LRP1B: variants seen among roughly 807,000 people sequenced by gnomAD.
The protein encoded by LRP1B is LDL receptor related protein 1B.
In LRP1B, 217 loss-of-function variants were observed where a neutral mutation model predicts 556.6. The ratio of observed to expected loss-of-function variants is 0.39; its 90% CI spans 0.35 to 0.44. LRP1B has a LOEUF of 0.44. Among genes scored for constraint, LRP1B ranks in the 20% least tolerant of loss-of-function variants. LRP1B has a pLI of 1.00. For missense variants in LRP1B, 5,053 were observed against 5,620.8 expected, an observed-to-expected ratio of 0.90 and a Z score of 3.23; for synonymous variants, 2,047 against 1,865.8, an observed-to-expected ratio of 1.10 and a Z score of -2.50.
Position 141,751,187 on chromosome 2 carries a change from C to A in LRP1B, c.205+59092G>T, listed in dbSNP as rs890413839. Among the ~76,000 whole-genome samples the A allele has an allele frequency of 5.3e-5, 8 of 151,980 alleles. No homozygotes were observed. The East Asian group carries it at 1.5e-3, about 29-fold the overall frequency. On this transcript the variant is annotated intron_variant, in intron 2 of 90. Transcript: ENST00000389484. ...CACATCAGGAAATAAACTCAATATA[C>A]TGTCTTTGGGTTCCTTTATTTAGAA...
At chr2:140,558,544 G>A (rs993446086) in intron 43 of LRP1B, among the ~76,000 whole-genome samples, 3 of 152,012 alleles carry the variant, frequency 2.0e-5, no homozygotes, top group Non-Finnish European at 4.4e-5. Flanking sequence ...TCCAGAATAG[G>A]CAAATCTATA....
intron 1 of LRP1B, among the ~76,000 whole-genome samples, chr2:142,112,342 G>T (rs1707028275): frequency 6.6e-6 from 1 of 151,728 alleles, no homozygotes; most frequent in Non-Finnish European, 1.5e-5. Context: ...AATAGGGAGG[G>T]ACTACAATTC....
intron 86 of LRP1B, chr2:140,269,475 C>G (rs1170637871): frequency 4.7e-6 from 2 of 423,814 alleles, no homozygotes; most frequent in Admixed American, 2.7e-5. Context: ...TAGTAACATT[C>G]AAACGAAAAG....
At chr2:141,586,427 T>G (rs966376128) in intron 2 of LRP1B, among the ~76,000 whole-genome samples, 1 of 152,124 alleles carries the variant, frequency 6.6e-6, no homozygotes, top group Non-Finnish European at 1.5e-5. Context: ...TCTATTAGAT[T>G]AGAGATAGCT....
chr2:141,038,460 C>T lies in LRP1B; in HGVS notation c.1789+10526G>A, dbSNP rs879908477. Among the ~76,000 whole-genome samples the T allele has an allele frequency of 3.3e-5, 5 of 152,032 alleles. No individual in the cohort carries two copies. In the East Asian group the frequency reaches 7.7e-4, roughly 23 times the overall value. On this transcript the variant is annotated intron_variant, in intron 11 of 90. Transcript: ENST00000389484. Reference sequence around the variant, plus strand: ...GTGGAGTAAGAAAGATTACTGAGTACATTTTAAAGGTCAGTGGGAGGTAAA... The same window carrying T: ...GTGGAGTAAGAAAGATTACTGAGTATATTTTAAAGGTCAGTGGGAGGTAAA...
chr2:141,284,148 G>A (rs572164400), intron 3 of LRP1B, among the ~76,000 whole-genome samples: 45 of 152,132 alleles, frequency 3.0e-4, no homozygotes, highest in Non-Finnish European at 5.0e-4. Flanking sequence ...ACATTTGTAT[G>A]ATATTTTTTC....
chr2:141,169,745 C>T (rs1680417339), intron 7 of LRP1B, among the ~76,000 whole-genome samples: 1 of 141,886 alleles, frequency 7.0e-6, no homozygotes, highest in African/African-American at 2.7e-5. Context: ...GATATGAGAA[C>T]GGGTATACAA....
At chr2:141,116,073 T>C (rs2104981954) in intron 7 of LRP1B, among the ~76,000 whole-genome samples, 1 of 152,282 alleles carries the variant, frequency 6.6e-6, no homozygotes, top group South Asian at 2.1e-4. Flanking sequence ...GTGAAACTTA[T>C]TTAAAGAATG....
chr2:140,260,864 T>C (rs1681905401), intron 86 of LRP1B, among the ~76,000 whole-genome samples: 1 of 151,808 alleles, frequency 6.6e-6, no homozygotes, highest in African/African-American at 2.4e-5. Flanking sequence ...GTCGTAAACA[T>C]TTATTTTCTT....
At position 140,617,497 on chromosome 2, in the gene LRP1B, G is replaced by A. The variant is rs184094767; in HGVS notation, c.6800-15858C>T. Among the ~76,000 whole-genome samples the A allele has an allele frequency of 7.2e-5, 11 of 152,030 alleles. No homozygotes were observed. The East Asian group carries it at 1.9e-3, about 27-fold the overall frequency. On this transcript the variant is annotated intron_variant, in intron 41 of 90. Transcript: ENST00000389484. ...GAGACTATTTTTAATAGCAAAAGTGGTAAGAAATTAATTTGATGCTAGGGA... is the reference window on the plus strand; with the variant it reads ...GAGACTATTTTTAATAGCAAAAGTGATAAGAAATTAATTTGATGCTAGGGA...
chr2:141,464,603 TA>T (rs1309009711), intron 3 of LRP1B, among the ~76,000 whole-genome samples: 8 of 104,180 alleles, frequency 7.7e-5, no homozygotes, highest in African/African-American at 2.6e-4. Flanking sequence ...TATATATATA[TA>T]TATTTTTTTA....
At chr2:140,808,492 A>T (rs1690805892) in intron 32 of LRP1B, among the ~76,000 whole-genome samples, 1 of 151,824 alleles carries the variant, frequency 6.6e-6, no homozygotes, top group Non-Finnish European at 1.5e-5. Flanking sequence ...GTCTTGGCAA[A>T]CTCTTGGCTA....
At chr2:140,342,221 T>G (rs1488817591) in intron 77 of LRP1B, among the ~76,000 whole-genome samples, 1 of 151,298 alleles carries the variant, frequency 6.6e-6, no homozygotes, top group Admixed American at 6.6e-5. Flanking sequence ...CATACTCACA[T>G]TTCCTGTTAG....
chr2:140,692,394 T>C (rs1013694687), intron 41 of LRP1B, among the ~76,000 whole-genome samples: 1 of 152,150 alleles, frequency 6.6e-6, no homozygotes, highest in Admixed American at 6.5e-5. Context: ...AATTGCTAGG[T>C]GAAAGTATAT....
intron 79 of LRP1B, among the ~76,000 whole-genome samples, chr2:140,330,199 CAATAATAAT>C (rs70985089): frequency 0.14 from 19,766 of 137,788 alleles, 1,764 homozygotes; most frequent in East Asian, 0.32. Flanking sequence ...GACTCTGTCT[CAATAATAAT>C]AATAATAATA....
At chr2:140,851,594 A>G (rs1185909128) in intron 28 of LRP1B, 58 bp downstream of exon 28, 3 of 1,568,258 alleles carry the variant, frequency 1.9e-6, no homozygotes, top group Non-Finnish European at 1.7e-6. Context: ...GAATGCTAAT[A>G]TAATTTGAGA....
intron 66 of LRP1B, among the ~76,000 whole-genome samples, chr2:140,401,768 T>C (rs1253618834): frequency 6.6e-6 from 1 of 152,222 alleles, no homozygotes; most frequent in African/African-American, 2.4e-5. Context: ...TAGTCCCTCA[T>C]AGTGTCTCTA....
chr2:140,683,320 G>A, intron 41 of LRP1B: 2 of 439,726 alleles, frequency 4.5e-6, no homozygotes, highest in East Asian at 5.8e-5. Context: ...ATCTTGACCT[G>A]GAGGCCCAAC....
intron 67 of LRP1B, among the ~76,000 whole-genome samples, chr2:140,380,902 T>C (rs1683442689): frequency 6.6e-6 from 1 of 152,186 alleles, no homozygotes; most frequent in Non-Finnish European, 1.5e-5. Context: ...TTAATTATTC[T>C]GCTTCAAAAT....
Sources: gnomAD v4.1 joint callset for allele counts (sites outside exome capture counted in the v4.1 genomes callset) on GRCh38, gnomAD v4.1.1 for gene constraint, MANE v1.5 for transcripts, NCBI Gene and HGNC (gene_info 2026-07-23, HGNC 2026-07-21) for gene names.